The following SH3GL2 variants were observed in gnomAD, a reference collection of about 807,000 sequenced individuals.
The protein encoded by SH3GL2 is SH3 domain containing GRB2 like 2, endophilin A1.
In SH3GL2, 24 loss-of-function variants were observed where a neutral mutation model predicts 46.0. That is an observed-to-expected ratio of 0.52 (90% CI 0.38 to 0.73). The LOEUF is 0.73. Among genes scored for constraint, SH3GL2 ranks in the 30% least tolerant of loss-of-function variants. SH3GL2 has a pLI of 0.00. For missense variants in SH3GL2, 413 were observed against 424.2 expected (o/e 0.97, Z 0.23); for synonymous variants, 196 against 147.1 (o/e 1.33, Z -2.40).
intron 1 of SH3GL2, among the ~76,000 whole-genome samples, chr9:17,677,787 A>G (rs1040827318): frequency 1.5e-5 from 2 of 132,504 alleles, no homozygotes; most frequent in African/African-American, 5.8e-5. Flanking sequence ...ACCTCCCCCC[A>G]CCCCACAACA....
At chr9:17,711,356 T>C (rs1280332582) in intron 1 of SH3GL2, among the ~76,000 whole-genome samples, 2 of 151,908 alleles carry the variant, frequency 1.3e-5, no homozygotes, top group Non-Finnish European at 2.9e-5. Context: ...TTAAAGCATA[T>C]AGCATGATAA....
chr9:17,630,581 C>T (rs1442778958), intron 1 of SH3GL2, among the ~76,000 whole-genome samples: 1 of 152,184 alleles, frequency 6.6e-6, no homozygotes, highest in African/African-American at 2.4e-5. Context: ...AAGCAAAAGG[C>T]ACATGCTATA....
intron 2 of SH3GL2, among the ~76,000 whole-genome samples, chr9:17,761,162 T>G (rs1823158981): frequency 6.6e-6 from 1 of 152,224 alleles, no homozygotes; most frequent in Admixed American, 6.5e-5. Flanking sequence ...TTTATTCACC[T>G]TATTTTCACC....
chr9:17,684,312 A>G (rs764376015), intron 1 of SH3GL2, among the ~76,000 whole-genome samples: 1 of 152,130 alleles, frequency 6.6e-6, no homozygotes, highest in Non-Finnish European at 1.5e-5. Context: ...GATGCTTTTG[A>G]TACCTCCTTG....
intron 1 of SH3GL2, among the ~76,000 whole-genome samples, chr9:17,645,910 T>C (rs1189905037): frequency 6.6e-6 from 1 of 152,150 alleles, no homozygotes; most frequent in Non-Finnish European, 1.5e-5. Flanking sequence ...TGAATTTGAA[T>C]GTTGGCCTGT....
chr9:17,729,057 C>T (rs927867974), intron 1 of SH3GL2, among the ~76,000 whole-genome samples: 1 of 151,422 alleles, frequency 6.6e-6, no homozygotes, highest in Non-Finnish European at 1.5e-5. Flanking sequence ...TCACACTTTC[C>T]ACAATGACAA....
chr9:17,729,305 G>A (rs1822109858), intron 1 of SH3GL2, among the ~76,000 whole-genome samples: 1 of 136,182 alleles, frequency 7.3e-6, no homozygotes, highest in Non-Finnish European at 1.5e-5. Flanking sequence ...CCCACTTTTT[G>A]ATGGGGATTT....
intron 1 of SH3GL2, among the ~76,000 whole-genome samples, chr9:17,596,056 A>G (rs904286958): frequency 3.3e-5 from 5 of 152,200 alleles, no homozygotes; most frequent in Non-Finnish European, 5.9e-5. Context: ...GATAAGTTGA[A>G]AACAAGGAAT....
At chr9:17,654,559 G>A (rs1002794231) in intron 1 of SH3GL2, among the ~76,000 whole-genome samples, 3 of 152,104 alleles carry the variant, frequency 2.0e-5, no homozygotes, top group Non-Finnish European at 4.4e-5. Context: ...GCGTAGATTA[G>A]GGCTTGGAAT....
intron 6 of SH3GL2, 117 bp downstream of exon 6, chr9:17,789,667 C>T (rs1824066617): frequency 6.8e-7 from 1 of 1,468,822 alleles, no homozygotes; most frequent in Admixed American, 2.2e-5. Context: ...ATAAGAACTT[C>T]AGTAGATAGT....
chr9:17,710,807 T>C lies in SH3GL2; in HGVS notation c.46-36259T>C, dbSNP rs151055653. Among the ~76,000 whole-genome samples, 886 of 152,064 alleles carry C rather than the reference T, an allele frequency of 5.8e-3. 10 individuals are homozygous for C. Among genetic ancestry groups the C allele is most frequent in the African/African-American group, 0.02 (843 of 41,534 alleles). On this transcript the variant is annotated intron_variant, in intron 1 of 8. Transcript: ENST00000380607. ...AATCCTCATCTTTGAAGTGTGATAA[T>C]AATAGTACAGCTCTCTCCTCTTATC...
chr9:17,724,996 T>C (rs1204172583), intron 1 of SH3GL2, among the ~76,000 whole-genome samples: 1 of 152,134 alleles, frequency 6.6e-6, no homozygotes, highest in Non-Finnish European at 1.5e-5. Flanking sequence ...AGATAAGTGG[T>C]TCTTTCTCCA....
chr9:17,762,029 C>T (rs1823189232), intron 3 of SH3GL2, among the ~76,000 whole-genome samples: 1 of 152,080 alleles, frequency 6.6e-6, no homozygotes, highest in African/African-American at 2.4e-5. Flanking sequence ...ACTTGTTATA[C>T]TCTAAGAAAA....
chr9:17,710,739 A>G lies in SH3GL2; in HGVS notation c.46-36327A>G, dbSNP rs77413999. Among the ~76,000 whole-genome samples the G allele has an allele frequency of 5.4e-4, 82 of 152,110 alleles. 1 individual carries two copies. In the East Asian group the frequency reaches 0.015, roughly 27 times the overall value. On this transcript the variant is annotated intron_variant, in intron 1 of 8. Coordinates refer to ENST00000380607, the MANE Select transcript of SH3GL2 (RefSeq NM_003026.5). ...GGATAAAATTTTGACATATCCTACA[A>G]TAGGGATAAACCTTATAGACATTAT...
At chr9:17,786,190 G>A (rs967899415) in intron 3 of SH3GL2, among the ~76,000 whole-genome samples, 191 bp from the exon 4 acceptor site, 1 of 152,136 alleles carries the variant, frequency 6.6e-6, no homozygotes, top group South Asian at 2.1e-4. Context: ...TAAGGGAAAG[G>A]GAGAGTTTAG....
intron 1 of SH3GL2, among the ~76,000 whole-genome samples, chr9:17,658,721 G>A (rs1266554596): frequency 1.3e-5 from 2 of 152,190 alleles, no homozygotes; most frequent in Admixed American, 6.5e-5. Context: ...AGAGCTGTTG[G>A]AAATAAACCC....
intron 1 of SH3GL2, among the ~76,000 whole-genome samples, chr9:17,618,873 AAGAGAGAG>A (rs1164578421): frequency 6.6e-6 from 1 of 151,702 alleles, no homozygotes; most frequent in Non-Finnish European, 1.5e-5. Flanking sequence ...ATCTCCTTGC[AAGAGAGAG>A]AGAGAAAGAG....
intron 1 of SH3GL2, among the ~76,000 whole-genome samples, chr9:17,725,316 T>C (rs7857488): frequency 0.29 from 44,200 of 151,806 alleles, 7,685 homozygotes; most frequent in African/African-American, 0.48. Flanking sequence ...GCCTTCTTTG[T>C]CTCTAGGGGT....
chr9:17,768,704 C>A (rs915838417), intron 3 of SH3GL2, among the ~76,000 whole-genome samples: 5 of 152,128 alleles, frequency 3.3e-5, no homozygotes, highest in Non-Finnish European at 7.3e-5. Context: ...CCCTCATCTG[C>A]CCCTTCTTCG....
Sources: gnomAD v4.1 joint callset for allele counts (sites outside exome capture counted in the v4.1 genomes callset) on GRCh38, gnomAD v4.1.1 for gene constraint, MANE v1.5 for transcripts, NCBI Gene and HGNC (gene_info 2026-07-23, HGNC 2026-07-21) for gene names.